The following TMPRSS15 variants were observed in gnomAD, a reference collection of about 807,000 sequenced individuals.
The protein encoded by TMPRSS15 is enteropeptidase.
TMPRSS15 carries 128 observed loss-of-function variants against 125.3 expected under a neutral mutation model. That is an observed-to-expected ratio of 1.02 (90% confidence interval 0.89 to 1.18). The LOEUF is 1.18. Among genes scored for constraint, TMPRSS15 ranks in the 50% most tolerant of loss-of-function variants. The pLI is 0.00. For missense variants in TMPRSS15, 1,283 were observed against 1,212.7 expected (o/e 1.06, Z -0.86); for synonymous variants, 446 against 423.2 (o/e 1.05, Z -0.66).
chr21:18,369,976 A>AAC (rs1448133335), intron 6 of TMPRSS15, among the ~76,000 whole-genome samples: 1 of 150,678 alleles, frequency 6.6e-6, no homozygotes, highest in Admixed American at 6.6e-5. Context: ...ACTTAAACGA[A>AAC]AAAAAAAAAA....
chr21:18,363,441 C>A (rs2075696245), intron 7 of TMPRSS15, among the ~76,000 whole-genome samples: 1 of 151,920 alleles, frequency 6.6e-6, no homozygotes, highest in African/African-American at 2.4e-5. Context: ...GCTCATAAAC[C>A]CTCTAAATGT....
chr21:18,408,061 A>G (rs2071634522), upstream of TMPRSS15, among the ~76,000 whole-genome samples: 1 of 152,184 alleles, frequency 6.6e-6, no homozygotes, highest in South Asian at 2.1e-4. Context: ...CTAAAGGTGG[A>G]TTATAATTAT....
At chr21:18,388,984 C>A (rs55965085) in intron 3 of TMPRSS15, among the ~76,000 whole-genome samples, 2,603 of 151,680 alleles carry the variant, frequency 0.017, 74 homozygotes, top group African/African-American at 0.059. Context: ...AGGAAGACAG[C>A]AGATGGGTGT....
chr21:18,402,542 AAAAG>A (rs1172234127), intron 1 of TMPRSS15, among the ~76,000 whole-genome samples: 1 of 151,702 alleles, frequency 6.6e-6, no homozygotes, highest in Non-Finnish European at 1.5e-5. Flanking sequence ...AAAAAAAAAA[AAAAG>A]AGAGAATTTA....
intron 1 of TMPRSS15, among the ~76,000 whole-genome samples, chr21:18,463,719 T>C (rs1424923872): frequency 6.6e-6 from 1 of 152,054 alleles, no homozygotes; most frequent in African/African-American, 2.4e-5. Flanking sequence ...CCTCAGCAAA[T>C]GCAAAAGAAT....
At chr21:18,328,003 A>T (rs905366547) in intron 15 of TMPRSS15, among the ~76,000 whole-genome samples, 2 of 152,118 alleles carry the variant, frequency 1.3e-5, no homozygotes, top group Non-Finnish European at 2.9e-5. Context: ...CAGTGAGCTG[A>T]GATCGCACCA....
intron 21 of TMPRSS15, among the ~76,000 whole-genome samples, chr21:18,292,322 C>T (rs1241147590): frequency 6.6e-6 from 1 of 152,182 alleles, no homozygotes; most frequent in African/African-American, 2.4e-5. Flanking sequence ...GACTCAGGAG[C>T]TTTCAATAAA....
intron 13 of TMPRSS15, among the ~76,000 whole-genome samples, chr21:18,337,108 G>A (rs1234344762): frequency 6.6e-6 from 1 of 152,162 alleles, no homozygotes; most frequent in Non-Finnish European, 1.5e-5. Context: ...TGGCGAGGCT[G>A]GTCTTGAATT....
chr21:18,367,878 C>T (rs1356171795), intron 6 of TMPRSS15, among the ~76,000 whole-genome samples: 1 of 152,076 alleles, frequency 6.6e-6, no homozygotes, highest in Non-Finnish European at 1.5e-5. Context: ...TATTCTAGAG[C>T]ATACTGTGGT....
chr21:18,365,980 A>G (rs1374719308), intron 6 of TMPRSS15, among the ~76,000 whole-genome samples: 2 of 150,666 alleles, frequency 1.3e-5, no homozygotes, highest in Non-Finnish European at 3.0e-5. Flanking sequence ...GGTGATCTGC[A>G]CTCCTAGGAC....
rs11357306 is a variant in TMPRSS15, at chr21:18,361,883, T to TA, written c.774-2021dup. ...TAAAGTTAGAGTGGTGGTAGGTTATTAAAAAAAAAACAAACCCAAAGCATA... is the reference window on the plus strand; with the variant it reads ...TAAAGTTAGAGTGGTGGTAGGTTATTAAAAAAAAAAACAAACCCAAAGCATA... On this transcript the variant is annotated intron_variant, in intron 7 of 24. Transcript: ENST00000284885. Among the ~76,000 whole-genome samples the TA allele has an allele frequency of 6.5e-3, 972 of 150,128 alleles. 12 individuals are homozygous for TA. Among genetic ancestry groups the TA allele is most frequent in the African/African-American group, 0.022 (887 of 40,878 alleles).
chr21:18,484,285 T>C (rs1412312025), intron 1 of TMPRSS15, among the ~76,000 whole-genome samples: 3 of 151,888 alleles, frequency 2.0e-5, no homozygotes, highest in African/African-American at 7.2e-5. Context: ...GCTTAGTCTT[T>C]AAGGAGGTCC....
chr21:18,440,330 G>A lies in TMPRSS15; in HGVS notation c.11-42001C>T, dbSNP rs1329280837. On this transcript the variant is annotated intron_variant, in intron 1 of 7. Transcript: ENST00000422787. The stretch of plus-strand genomic sequence containing the variant: ...GGAGCTTGCAGTGAGTCGAGATCGC[G>A]CCACTGCACTCCAGCCTGGGCGACA... Among the ~76,000 whole-genome samples the A allele has an allele frequency of 9.1e-5, 11 of 120,790 alleles. No individual in the cohort carries two copies. In the East Asian group the frequency reaches 9.6e-4, roughly 11 times the overall value. 79.2% of individuals were successfully genotyped at this position (120,790 alleles called of 152,430 possible). A position where few individuals can be genotyped will look rare whatever the true frequency, so the allele number is the denominator to read the frequency against.
intron 16 of TMPRSS15, among the ~76,000 whole-genome samples, chr21:18,319,540 T>TGCTTCA (rs1380046169): frequency 3.3e-5 from 5 of 150,740 alleles, no homozygotes; most frequent in Non-Finnish European, 7.4e-5. Flanking sequence ...GTGATTCTCC[T>TGCTTCA]GCCTCAGCCT....
At chr21:18,411,947 G>T (rs2076166961) in intron 1 of TMPRSS15, among the ~76,000 whole-genome samples, 1 of 152,158 alleles carries the variant, frequency 6.6e-6, no homozygotes, top group African/African-American at 2.4e-5. Context: ...GGCTGGGAAA[G>T]ATTGCTTTTT....
intron 1 of TMPRSS15, among the ~76,000 whole-genome samples, chr21:18,463,595 A>T (rs2122953995): frequency 3.1e-4 from 47 of 152,242 alleles, no homozygotes; most frequent in African/African-American, 8.9e-4. Flanking sequence ...AGGACCTAGC[A>T]GACCTAATAG....
chr21:18,389,547 C>A (rs1569050829), intron 3 of TMPRSS15, among the ~76,000 whole-genome samples: 1 of 152,028 alleles, frequency 6.6e-6, no homozygotes, highest in African/African-American at 2.4e-5. Flanking sequence ...GTGAATTTGC[C>A]ACTTAGAGAA....
chr21:18,330,278 T>C (rs1386651738), intron 14 of TMPRSS15, among the ~76,000 whole-genome samples: 1 of 152,182 alleles, frequency 6.6e-6, no homozygotes, highest in Non-Finnish European at 1.5e-5. Context: ...GTTTCTCATC[T>C]CCTAATTGGC....
chr21:18,405,040 G>A (rs1434375990), upstream of TMPRSS15, among the ~76,000 whole-genome samples: 1 of 151,962 alleles, frequency 6.6e-6, no homozygotes, highest in Non-Finnish European at 1.5e-5. Context: ...CCTACAAAAA[G>A]CGCCTCTTGA....
Sources: gnomAD v4.1 joint callset for allele counts (sites outside exome capture counted in the v4.1 genomes callset) on GRCh38, gnomAD v4.1.1 for gene constraint, MANE v1.5 for transcripts, NCBI Gene and HGNC (gene_info 2026-07-23, HGNC 2026-07-21) for gene names.